Variants in EXOC4 observed in about 807,000 individuals in gnomAD.
The protein encoded by EXOC4 is SEC8-like 1.
EXOC4 carries 71 observed loss-of-function variants against 107.2 expected under a neutral mutation model. The ratio of observed to expected loss-of-function variants is 0.66; its 90% CI spans 0.55 to 0.81. EXOC4 has a LOEUF of 0.81. Among genes scored for constraint, EXOC4 ranks in the 30% least tolerant of loss-of-function variants. EXOC4 has a pLI of 0.00. For synonymous variants in EXOC4, 456 were observed against 441.2 expected (o/e 1.03, Z -0.42); for missense variants, 1,108 against 1,189.6 (o/e 0.93, Z 1.01).
At chr7:133,318,371 A>G (rs996840905) in intron 5 of EXOC4, among the ~76,000 whole-genome samples, 1 of 152,170 alleles carries the variant, frequency 6.6e-6, no homozygotes, top group African/African-American at 2.4e-5. Context: ...GGTTCAGCTC[A>G]ACTGGGCTTG....
rs147650429 is a variant in EXOC4, at chr7:134,005,030, G to A, written c.2467G>A (p.Ala823Thr). 436 of 1,613,574 alleles carry A rather than the reference G, an allele frequency of 2.7e-4. 1 individual carries two copies. The African/African-American group carries it at 4.5e-3, about 17-fold the overall frequency. The change falls in exon 16 of 18, where the codon GCC (alanine) becomes ACC (threonine). Residue 823 changes from alanine to threonine, a missense_variant. Physicochemically the swap from Ala to Thr is moderately conservative, Grantham distance 58 (BLOSUM62 0). Transcript: ENST00000253861. ...LVVKLNKDIS[A>T]IEEAMSASLQ... The stretch of plus-strand genomic sequence containing the variant: ...GGTCAAGCTCAACAAAGATATCAGC[G>A]CCATTGAAGAGGCCATGAGCGCCAG...
rs551529707 is a variant in EXOC4 at position 134,046,724 on chromosome 7, A to G, written c.2688-17567A>G. 1.8e-4 allele frequency among the ~76,000 whole-genome samples: 27 copies of G among 152,158 alleles called. 2 individuals carry two copies. In the South Asian group the frequency reaches 5.2e-3, roughly 29 times the overall value. On this transcript the variant is annotated intron_variant, in intron 17 of 17. Transcript: ENST00000253861. The stretch of plus-strand genomic sequence containing the variant: ...AAGCAGCACCAAGCACTCAGGACCC[A>G]TGGCCTCTTCTTCTGAACCCAGGGA...
intron 10 of EXOC4, among the ~76,000 whole-genome samples, chr7:133,686,245 A>T (rs1162833229): frequency 2.6e-5 from 4 of 152,102 alleles, no homozygotes; most frequent in Non-Finnish European, 5.9e-5. Flanking sequence ...GAATAAATTT[A>T]TTTTCTTTGT....
chr7:134,043,984 G>A (rs1165792717), intron 17 of EXOC4, among the ~76,000 whole-genome samples: 4 of 152,130 alleles, frequency 2.6e-5, no homozygotes, highest in Admixed American at 2.0e-4. Flanking sequence ...TGGCCTGATC[G>A]GTGATGGAGC....
intron 11 of EXOC4, among the ~76,000 whole-genome samples, chr7:133,879,277 T>C (rs989152935): frequency 6.6e-6 from 1 of 151,984 alleles, no homozygotes; most frequent in Non-Finnish European, 1.5e-5. Flanking sequence ...CTGTTTTTTG[T>C]AGAGACAGGG....
At chr7:133,513,400 G>C (rs1799812554) in intron 9 of EXOC4, among the ~76,000 whole-genome samples, 2 of 152,138 alleles carry the variant, frequency 1.3e-5, no homozygotes, top group African/African-American at 4.8e-5. Context: ...AGTTTTACCT[G>C]TTTTCTAGGA....
At chr7:133,655,196 T>C (rs62471382) in intron 10 of EXOC4, among the ~76,000 whole-genome samples, 1 of 137,294 alleles carries the variant, frequency 7.3e-6, no homozygotes, top group Admixed American at 7.5e-5. Flanking sequence ...AAATAAACTT[T>C]ATTTTAAAAA....
chr7:133,995,633 C>T lies in EXOC4; in HGVS notation c.2207-1859C>T, dbSNP rs10429096. On this transcript the variant is annotated intron_variant, in intron 14 of 17. Transcript: ENST00000253861. Reference sequence around the variant, plus strand: ...AGTTAGTAAACATCTAGGATGATACCAAGGCTGGCAATAATTTAAAATCTA... The same window carrying T: ...AGTTAGTAAACATCTAGGATGATACTAAGGCTGGCAATAATTTAAAATCTA... 4.4e-3 allele frequency among the ~76,000 whole-genome samples: 663 copies of T among 152,244 alleles called. 6 individuals carry two copies. Among genetic ancestry groups the T allele is most frequent in the African/African-American group, 0.015 (630 of 41,544 alleles).
At chr7:133,590,029 C>G (rs1225675833) in intron 9 of EXOC4, among the ~76,000 whole-genome samples, 2 of 151,992 alleles carry the variant, frequency 1.3e-5, no homozygotes, top group East Asian at 3.9e-4. Flanking sequence ...AGAGGGGGTT[C>G]CTGCTAATAG....
chr7:133,310,846 G>A (rs1042086945), intron 4 of EXOC4, among the ~76,000 whole-genome samples: 12 of 152,182 alleles, frequency 7.9e-5, no homozygotes, highest in Non-Finnish European at 1.5e-4. Context: ...TCCATAGTAG[G>A]AAGTGGGGCC....
At position 133,537,296 on chromosome 7, in the gene EXOC4, AC is replaced by A. The variant is rs373040586; in HGVS notation, c.1417+57169del. Among the ~76,000 whole-genome samples, 431 of 128,016 alleles carry A rather than the reference AC, an allele frequency of 3.4e-3. 4 individuals are homozygous for A. Among genetic ancestry groups the A allele is most frequent in the African/African-American group, 8.3e-3 (264 of 31,794 alleles). 84.0% of individuals were successfully genotyped at this position (128,016 alleles called of 152,430 possible). On this transcript the variant is annotated intron_variant, in intron 9 of 17. Coordinates refer to ENST00000253861, the MANE Select transcript of EXOC4 (RefSeq NM_021807.4). ...CTCCTGGGTAGTTGGGATTACAGGC[AC>A]CCCCCCCCCCACCACACCTGACTAA...
chr7:133,331,025 G>C (rs181891341), intron 5 of EXOC4, among the ~76,000 whole-genome samples: 77 of 152,020 alleles, frequency 5.1e-4, no homozygotes, highest in African/African-American at 1.7e-3. Context: ...GACGTAGTTA[G>C]GGCAGGTACT....
At chr7:134,097,415 G>A in the EXOC4 span, among the ~76,000 whole-genome samples, 3 of 151,532 alleles carry the variant, frequency 2.0e-5, no homozygotes, top group Admixed American at 2.0e-4. Flanking sequence ...CCAGAAGGTG[G>A]GTATGAAAAG....
At chr7:133,316,439 G>A (rs1794992332) in intron 4 of EXOC4, among the ~76,000 whole-genome samples, 1 of 152,152 alleles carries the variant, frequency 6.6e-6, no homozygotes, top group African/African-American at 2.4e-5. Flanking sequence ...GGGCTCTTCT[G>A]TTGTAGATAG....
chr7:134,043,931 TA>T (rs1269145276), intron 17 of EXOC4, among the ~76,000 whole-genome samples: 1 of 152,220 alleles, frequency 6.6e-6, no homozygotes, highest in African/African-American at 2.4e-5. Flanking sequence ...ACAGTTGTGC[TA>T]ATTGGAAGTG....
intron 5 of EXOC4, among the ~76,000 whole-genome samples, chr7:133,349,848 T>C (rs1025780059): frequency 1.3e-5 from 2 of 151,960 alleles, no homozygotes; most frequent in African/African-American, 4.8e-5. Flanking sequence ...CTGTTTTTTT[T>C]TGGGGGGGGT....
At chr7:134,021,911 A>G (rs1029336213) in intron 17 of EXOC4, among the ~76,000 whole-genome samples, 2 of 151,450 alleles carry the variant, frequency 1.3e-5, no homozygotes, top group African/African-American at 4.9e-5. Flanking sequence ...CATTTGGGGT[A>G]TTGGGGACAG....
intron 10 of EXOC4, among the ~76,000 whole-genome samples, chr7:133,700,049 C>A (rs1794623391): frequency 6.6e-6 from 1 of 152,136 alleles, no homozygotes; most frequent in Admixed American, 6.5e-5. Context: ...TTCAAAAAAA[C>A]CTGCATTTGC....
At chr7:133,619,101 G>T (rs1253074280) in intron 9 of EXOC4, among the ~76,000 whole-genome samples, 3 of 152,154 alleles carry the variant, frequency 2.0e-5, no homozygotes, top group Admixed American at 6.5e-5. Context: ...AAAGCCACCT[G>T]TGCCTCAGTA....
Sources: allele counts gnomAD v4.1 joint callset (sites outside exome capture counted in the v4.1 genomes callset), GRCh38; gene constraint gnomAD v4.1.1; transcripts MANE v1.5; gene names NCBI Gene and HGNC (gene_info 2026-07-23, HGNC 2026-07-21).